The following GRM5 variants were observed in gnomAD, a reference collection of about 807,000 sequenced individuals.
GRM5 encodes metabotropic glutamate receptor 5.
A neutral mutation model predicts 83.1 loss-of-function variants in GRM5; 19 were observed. The observed-to-expected ratio is 0.23, with a 90% CI of 0.16 to 0.34. GRM5 has a LOEUF of 0.34. Among genes scored for constraint, GRM5 ranks in the 10% least tolerant of loss-of-function variants. GRM5 has a pLI of 1.00. For missense variants in GRM5, 1,160 were observed against 1,588.3 expected (o/e 0.73, Z 4.58); for synonymous variants, 675 against 633.6 (o/e 1.07, Z -0.98).
At chr11:88,983,305 T>G (rs1939587293) in intron 2 of GRM5, among the ~76,000 whole-genome samples, 1 of 152,226 alleles carries the variant, frequency 6.6e-6, no homozygotes, top group South Asian at 2.1e-4. Context: ...TCTCCTTAGT[T>G]GTTTCTCAAA....
At position 88,841,797 on chromosome 11, in the gene GRM5, G is replaced by T. The variant is rs568024720; in HGVS notation, c.911+8109C>A. Among the ~76,000 whole-genome samples, 5 of 151,920 alleles carry T rather than the reference G, an allele frequency of 3.3e-5. No individual in the cohort carries two copies. The South Asian group carries it at 8.3e-4, about 25-fold the overall frequency. On this transcript the variant is annotated intron_variant, in intron 3 of 9. Coordinates refer to ENST00000305447, the MANE Select transcript of GRM5 (RefSeq NM_001143831.3). ...TTTTGTTCCCATGGTGTTATTTAAGGTTCACAGTATTGCAAAAGACATGAT... is the reference window on the plus strand; with the variant it reads ...TTTTGTTCCCATGGTGTTATTTAAGTTTCACAGTATTGCAAAAGACATGAT...
intron 2 of GRM5, among the ~76,000 whole-genome samples, chr11:88,893,829 C>T (rs1450605911): frequency 6.6e-6 from 1 of 151,990 alleles, no homozygotes; most frequent in Non-Finnish European, 1.5e-5. Context: ...CATCATCCAA[C>T]ACCCCTTAAC....
intron 8 of GRM5, among the ~76,000 whole-genome samples, chr11:88,543,869 A>G (rs1168518115): frequency 6.6e-6 from 1 of 152,124 alleles, no homozygotes; most frequent in Non-Finnish European, 1.5e-5. Context: ...CTATAGCTTG[A>G]AAATGTCACC....
At chr11:88,552,388 T>C (rs1942529150) in intron 8 of GRM5, among the ~76,000 whole-genome samples, 1 of 152,160 alleles carries the variant, frequency 6.6e-6, no homozygotes. Context: ...AACCAAGAGA[T>C]GAAATTTAGA....
intron 3 of GRM5, 31 bp from the exon 4 acceptor site, chr11:88,653,434 G>A: frequency 6.9e-7 from 1 of 1,448,320 alleles, no homozygotes; most frequent in Non-Finnish European, 9.7e-7. Flanking sequence ...CCTCAGCTTA[G>A]AACAGATATC....
chr11:88,541,972 C>T (rs1942278866), intron 8 of GRM5, among the ~76,000 whole-genome samples: 2 of 152,250 alleles, frequency 1.3e-5, no homozygotes, highest in South Asian at 4.1e-4. Context: ...GGCTCTTCCC[C>T]CTTAGCTTTC....
chr11:88,655,470 G>T (rs1939743360), intron 3 of GRM5, among the ~76,000 whole-genome samples: 1 of 152,040 alleles, frequency 6.6e-6, no homozygotes, highest in Non-Finnish European at 1.5e-5. Flanking sequence ...TCGCTCTTAT[G>T]TAACACTATG....
intron 2 of GRM5, among the ~76,000 whole-genome samples, chr11:89,015,150 G>A (rs1940819178): frequency 6.6e-6 from 1 of 152,136 alleles, no homozygotes; most frequent in African/African-American, 2.4e-5. Context: ...CACTTAGCCT[G>A]GTTGAACTTC....
At chr11:88,828,195 A>T (rs949548762) in intron 3 of GRM5, among the ~76,000 whole-genome samples, 5 of 152,186 alleles carry the variant, frequency 3.3e-5, no homozygotes, top group African/African-American at 1.2e-4. Context: ...CAGAAGAGGT[A>T]TGTGTTAATC....
Position 89,047,474 on chromosome 11 carries a change from G to A in GRM5, c.399C>T (p.Ser133=), listed in dbSNP as rs779371839. 6.2e-7 allele frequency: 1 copy of A among 1,614,154 alleles called. No homozygotes were observed. The highest frequency in any genetic ancestry group is 8.5e-7 in the Non-Finnish European group (1 of 1,180,004). ...GCTTCTTGGAGCGGAAGGAAGAGGAGGAGCCATCCACACAGCGTACCAAGC... is the reference window on the plus strand; with the variant it reads ...GCTTCTTGGAGCGGAAGGAAGAGGAAGAGCCATCCACACAGCGTACCAAGC... ...EEGLVRCVDG[S]SSSFRSKKPI... is the part of the protein sequence containing the mutation. The change falls in exon 2 of 10, where the codon TCC becomes TCT. Residue 133 remains serine, a synonymous_variant. Transcript: ENST00000305447. The surrounding 1 kb of genome is among the most constrained non-coding windows in gnomAD (Gnocchi z 5.1).
At position 88,567,038 on chromosome 11, in the gene GRM5, C is replaced by T; in HGVS notation, c.2630+15G>A. The T allele has an allele frequency of 1.3e-6, 2 of 1,536,106 alleles. No homozygotes were observed. Among genetic ancestry groups the T allele is most frequent in the Non-Finnish European group, 1.8e-6 (2 of 1,122,748 alleles). On this transcript the variant is annotated intron_variant, in intron 8 of 9. Transcript: ENST00000305447. This position sits in a 1 kb window ranked among gnomAD's most constrained non-coding sequence, Gnocchi z 7.3. The stretch of plus-strand genomic sequence containing the variant: ...TTTAGGGGCCAGCATCCCTGTAAGC[C>T]CCCACAACTTTTACCTTAAGGTTTC...
At chr11:88,739,909 T>C (rs1359600899) in intron 3 of GRM5, among the ~76,000 whole-genome samples, 1 of 152,078 alleles carries the variant, frequency 6.6e-6, no homozygotes, top group Non-Finnish European at 1.5e-5. Context: ...ATTTGGTTTG[T>C]TCCATATTAC....
chr11:88,782,649 C>G (rs186480928), intron 3 of GRM5, among the ~76,000 whole-genome samples: 64 of 152,090 alleles, frequency 4.2e-4, no homozygotes, highest in African/African-American at 1.4e-3. Flanking sequence ...TTAAGATTGT[C>G]CCTGTTATAA....
At chr11:88,682,751 G>A (rs896247870) in intron 3 of GRM5, among the ~76,000 whole-genome samples, 1 of 152,104 alleles carries the variant, frequency 6.6e-6, no homozygotes, top group African/African-American at 2.4e-5. Context: ...TATATTAGGT[G>A]TTTACCTGTG....
At chr11:89,041,349 T>G (rs534158832) in intron 2 of GRM5, among the ~76,000 whole-genome samples, 1 of 152,178 alleles carries the variant, frequency 6.6e-6, no homozygotes, top group Non-Finnish European at 1.5e-5. Flanking sequence ...ATCCTGGACA[T>G]GGAGTATTTG....
chr11:88,872,319 T>G (rs1383169720), intron 2 of GRM5, among the ~76,000 whole-genome samples: 1 of 151,604 alleles, frequency 6.6e-6, no homozygotes, highest in Non-Finnish European at 1.5e-5. Context: ...AAAATTATAA[T>G]ACAAAGAAGT....
At chr11:88,811,093 C>G (rs138828290) in intron 3 of GRM5, among the ~76,000 whole-genome samples, 1 of 151,608 alleles carries the variant, frequency 6.6e-6, no homozygotes, top group Non-Finnish European at 1.5e-5. Context: ...TCTAGAAACA[C>G]CTTTTTTTGT....
Position 88,872,341 on chromosome 11 carries a change from G to C in GRM5, c.662-22186C>G, listed in dbSNP as rs184601573. Among the ~76,000 whole-genome samples, 739 of 151,636 alleles carry C rather than the reference G, an allele frequency of 4.9e-3. 5 individuals carry two copies. Among genetic ancestry groups the C allele is most frequent in the African/African-American group, 0.017 (711 of 41,500 alleles). On this transcript the variant is annotated intron_variant, in intron 2 of 9. Transcript: ENST00000305447. ...TAATACAAAGAAGTGATGCAAATTA[G>C]TAATCATTTAAATTTTACATTTTAT...
chr11:88,948,787 T>G (rs1282351398), intron 2 of GRM5, among the ~76,000 whole-genome samples: 7 of 152,182 alleles, frequency 4.6e-5, no homozygotes, highest in African/African-American at 1.7e-4. Flanking sequence ...TAAAGTTAAT[T>G]ATGAAAACAA....
Sources: gnomAD v4.1 joint callset for allele counts (sites outside exome capture counted in the v4.1 genomes callset) on GRCh38, gnomAD v4.1.1 for gene constraint, Gnocchi (gnomAD v3.1) non-coding constraint, MANE v1.5 for transcripts, NCBI Gene and HGNC (gene_info 2026-07-23, HGNC 2026-07-21) for gene names.